Variants in TMTC1 observed in about 807,000 individuals in gnomAD.
TMTC1 encodes the protein protein O-mannosyl-transferase TMTC1.
TMTC1 carries 73 observed loss-of-function variants against 104.8 expected under a neutral mutation model. The observed-to-expected ratio is 0.70, with a 90% CI of 0.58 to 0.85. The LOEUF (loss-of-function observed/expected upper bound fraction) is 0.85, where lower values mean the gene tolerates loss of function less well. Among genes scored for constraint, TMTC1 ranks in the 40% least tolerant of loss-of-function variants. The probability of loss-of-function intolerance (pLI) is 0.00; values close to 1 mark genes in which losing one functional copy is unlikely to be tolerated. For missense variants in TMTC1, 1,035 were observed against 1,096.1 expected (o/e 0.94, Z 0.79); for synonymous variants, 434 against 428.7 (o/e 1.01, Z -0.15).
chr12:29,589,796 C>T (rs558781228), intron 7 of TMTC1, among the ~76,000 whole-genome samples: 2 of 152,348 alleles, frequency 1.3e-5, no homozygotes, highest in South Asian at 4.1e-4. Context: ...GTTTGATGGG[C>T]CTGTCCACAA....
intron 5 of TMTC1, among the ~76,000 whole-genome samples, chr12:29,725,913 C>T (rs1591979962): frequency 6.6e-6 from 1 of 152,210 alleles, no homozygotes; most frequent in African/African-American, 2.4e-5. Context: ...ACTAATGCTA[C>T]TGCAAAGAAG....
At chr12:29,589,539 C>A (rs1641764394) in intron 7 of TMTC1, among the ~76,000 whole-genome samples, 1 of 152,198 alleles carries the variant, frequency 6.6e-6, no homozygotes, top group Non-Finnish European at 1.5e-5. Flanking sequence ...CACAACATCA[C>A]CTACTTTCTT....
At chr12:29,747,958 G>A (rs1235616464) in intron 5 of TMTC1, among the ~76,000 whole-genome samples, 3 of 152,260 alleles carry the variant, frequency 2.0e-5, no homozygotes, top group Non-Finnish European at 2.9e-5. Flanking sequence ...CTATGATAAC[G>A]TTGCCTCTTC....
chr12:29,707,158 A>G (rs1470023751), intron 5 of TMTC1, among the ~76,000 whole-genome samples: 1 of 152,114 alleles, frequency 6.6e-6, no homozygotes, highest in Non-Finnish European at 1.5e-5. Context: ...GCTTGGGAAT[A>G]GGTTGGGGAC....
chr12:29,652,723 G>A (rs1248880157), intron 5 of TMTC1, among the ~76,000 whole-genome samples: 1 of 152,154 alleles, frequency 6.6e-6, no homozygotes, highest in African/African-American at 2.4e-5. Flanking sequence ...AAATGGGAAG[G>A]AAAAATTGGG....
chr12:29,629,248 G>A (rs1938170621), intron 6 of TMTC1, among the ~76,000 whole-genome samples: 1 of 151,910 alleles, frequency 6.6e-6, no homozygotes. Context: ...GTGAACCCGG[G>A]AGGTGGAGTT....
At chr12:29,534,666 T>C (rs1944593363) in intron 11 of TMTC1, 1 of 152,216 alleles carries the variant, frequency 6.6e-6, no homozygotes, top group African/African-American at 2.4e-5. Context: ...AATTTGTTAA[T>C]AGTAAGGCTG....
intron 5 of TMTC1, among the ~76,000 whole-genome samples, chr12:29,665,381 A>G (rs796071966): frequency 2.0e-5 from 3 of 152,302 alleles, no homozygotes; most frequent in African/African-American, 7.2e-5. Context: ...AAATTCCCTA[A>G]TCTACGCTCC....
intron 8 of TMTC1, among the ~76,000 whole-genome samples, chr12:29,574,751 G>A (rs1945775450): frequency 6.6e-6 from 1 of 152,114 alleles, no homozygotes; most frequent in Admixed American, 6.6e-5. Flanking sequence ...TCACCCTTGT[G>A]ACCACATTTA....
At chr12:29,602,878 T>C (rs1264581021) in intron 7 of TMTC1, among the ~76,000 whole-genome samples, 2 of 152,116 alleles carry the variant, frequency 1.3e-5, no homozygotes, top group Admixed American at 1.3e-4. Context: ...TCTATGAATA[T>C]CTATCAAATG....
intron 10 of TMTC1, among the ~76,000 whole-genome samples, chr12:29,541,632 T>A (rs2136217025): frequency 6.6e-6 from 1 of 151,082 alleles, no homozygotes; most frequent in Non-Finnish European, 1.5e-5. Context: ...TTGTTTCTGA[T>A]ACCACAATAG....
chr12:29,608,062 C>T (rs1946749284), intron 6 of TMTC1, among the ~76,000 whole-genome samples: 1 of 152,102 alleles, frequency 6.6e-6, no homozygotes, highest in East Asian at 1.9e-4. Flanking sequence ...AAATGGATGA[C>T]AATACGCTTT....
At position 29,615,983 on chromosome 12, in the gene TMTC1, C is replaced by T. The variant is rs75775711; in HGVS notation, c.1129-11684G>A. Among the ~76,000 whole-genome samples, 1,261 of 152,242 alleles carry T rather than the reference C, an allele frequency of 8.3e-3. 18 individuals are homozygous for T. The highest frequency in any genetic ancestry group is 0.029 in the African/African-American group (1,189 of 41,562). On this transcript the variant is annotated intron_variant, in intron 6 of 17. Coordinates refer to ENST00000539277, the MANE Select transcript of TMTC1 (RefSeq NM_001193451.2). ...TACTTCCCAAAGCACGTTGCAAGAA[C>T]ATTTATCCACAAGAAGTCCCTAAAA...
chr12:29,567,845 T>C lies in TMTC1; in HGVS notation c.1532+4260A>G, dbSNP rs142305304. On this transcript the variant is annotated intron_variant, in intron 9 of 17. Transcript: ENST00000539277. ...TCTTCTGTTTGAACGTGACAGAAAA[T>C]GGTTTTATAAACAGCATTATTAAAA... Among the ~76,000 whole-genome samples, 1,065 of 152,294 alleles carry C rather than the reference T, an allele frequency of 7.0e-3. 9 individuals carry two copies. The highest frequency in any genetic ancestry group is 0.01 in the Non-Finnish European group (682 of 68,032).
At chr12:29,607,019 T>C (rs986554143) in intron 6 of TMTC1, among the ~76,000 whole-genome samples, 2 of 152,032 alleles carry the variant, frequency 1.3e-5, no homozygotes, top group African/African-American at 2.4e-5. Flanking sequence ...AGGATGCCCA[T>C]GGCACTGATT....
At position 29,521,627 on chromosome 12, in the gene TMTC1, G is replaced by C. The variant is rs12809749; in HGVS notation, c.1786-907C>G. ...TTGTCGCCTTGGCTGGAGTGCAATGGGGCGATCTCGGCTCACTGCAACTCC... is the reference window on the plus strand; with the variant it reads ...TTGTCGCCTTGGCTGGAGTGCAATGCGGCGATCTCGGCTCACTGCAACTCC... On this transcript the variant is annotated intron_variant, in intron 11 of 17. Transcript: ENST00000539277. Among the ~76,000 whole-genome samples the C allele has an allele frequency of 1.0e-3, 146 of 144,892 alleles. 1 individual carries two copies. The highest frequency in any genetic ancestry group is 1.4e-3 in the Non-Finnish European group (95 of 67,156).
At chr12:29,662,417 G>A (rs561235597) in intron 5 of TMTC1, among the ~76,000 whole-genome samples, 38 of 152,130 alleles carry the variant, frequency 2.5e-4, no homozygotes, top group African/African-American at 7.5e-4. Flanking sequence ...TTTGGGAGGC[G>A]GAGGCAGGCG....
intron 4 of TMTC1, 32 bp from the exon 5 acceptor site, chr12:29,751,904 T>C: frequency 6.7e-7 from 1 of 1,502,580 alleles, no homozygotes; most frequent in Admixed American, 2.2e-5. Flanking sequence ...GAAAACAAAG[T>C]CAACCAGAAT....
At chr12:29,607,934 T>C (rs1946746231) in intron 6 of TMTC1, among the ~76,000 whole-genome samples, 1 of 152,180 alleles carries the variant, frequency 6.6e-6, no homozygotes, top group South Asian at 2.1e-4. Flanking sequence ...GTGTTTTCCT[T>C]TGTTTTTAAA....
Sources: gnomAD v4.1 joint callset for allele counts (sites outside exome capture counted in the v4.1 genomes callset) on GRCh38, gnomAD v4.1.1 for gene constraint, MANE v1.5 for transcripts, NCBI Gene and HGNC (gene_info 2026-07-23, HGNC 2026-07-21) for gene names.